The following SH3PXD2A variants were observed in gnomAD, a reference collection of about 807,000 sequenced individuals.
SH3PXD2A encodes the protein SH3 and PX domains 2A.
SH3PXD2A carries 32 observed loss-of-function variants against 115.2 expected under a neutral mutation model. The ratio of observed to expected loss-of-function variants is 0.28; its 90% confidence interval spans 0.21 to 0.37. The LOEUF (loss-of-function observed/expected upper bound fraction) is 0.37, where lower values mean the gene tolerates loss of function less well. Ranked by LOEUF, SH3PXD2A falls within the 10% of genes least tolerant of loss-of-function variation. The pLI, the probability that SH3PXD2A is intolerant of heterozygous loss-of-function variation, is 1.00. For synonymous variants in SH3PXD2A, 610 were observed against 629.1 expected, an observed-to-expected ratio of 0.97 and a Z score of 0.45; for missense variants, 1,328 against 1,498.7, an observed-to-expected ratio of 0.89 and a Z score of 1.88.
intron 10 of SH3PXD2A, among the ~76,000 whole-genome samples, chr10:103,621,423 T>C (rs1418671317): frequency 1.3e-5 from 2 of 152,228 alleles, no homozygotes; most frequent in African/African-American, 4.8e-5. Flanking sequence ...GCCAGTGCTC[T>C]GTGCCTGATG....
At chr10:103,667,781 G>T (rs1298232121) in intron 7 of SH3PXD2A, among the ~76,000 whole-genome samples, 1 of 152,154 alleles carries the variant, frequency 6.6e-6, no homozygotes, top group Non-Finnish European at 1.5e-5. Context: ...GTGTGTAACA[G>T]CCTCAAAAAT....
intron 2 of SH3PXD2A, among the ~76,000 whole-genome samples, chr10:103,794,691 T>C (rs1355573613): frequency 6.6e-6 from 1 of 152,224 alleles, no homozygotes; most frequent in Non-Finnish European, 1.5e-5. Flanking sequence ...CCTGTCCTGG[T>C]CAGCTTTCCC....
Position 103,599,640 on chromosome 10 carries a change from G to GT in SH3PXD2A, c.*2175dup, listed in dbSNP as rs1418659599. ...TTAAGTAATGCACTTTGCTCTCTGG[G>GT]TTTTTTCCATTCTACCTTATTTAAA... On this transcript the variant is annotated 3_prime_UTR_variant, in exon 15 of 15. Transcript: ENST00000369774. 5 of 152,476 alleles carry GT rather than the reference G, an allele frequency of 3.3e-5. No homozygotes were observed. The highest frequency in any genetic ancestry group is 7.3e-5 in the African/African-American group (3 of 41,366). The allele number at this position is 152,476 out of a possible 1,614,324, so 9.4% of individuals were successfully genotyped here. A position where few individuals can be genotyped will look rare whatever the true frequency, so the allele number is the denominator to read the frequency against.
intron 1 of SH3PXD2A, among the ~76,000 whole-genome samples, chr10:103,835,464 A>T (rs1190185730): frequency 6.6e-6 from 1 of 152,210 alleles, no homozygotes; most frequent in Non-Finnish European, 1.5e-5. Context: ...ACAACGATGG[A>T]TCTGCATTGC....
chr10:103,606,432 TA>T (rs533450822), intron 13 of SH3PXD2A, among the ~76,000 whole-genome samples: 77 of 8,142 alleles, frequency 9.5e-3, no homozygotes, highest in African/African-American at 0.017. Context: ...AAGAATTTGC[TA>T]AAAAAAAAAA....
rs1337448421 is a variant in SH3PXD2A at position 103,662,332 on chromosome 10, C to T, written c.473-1218G>A. Among the ~76,000 whole-genome samples the T allele has an allele frequency of 1.4e-4, 4 of 29,320 alleles. No individual in the cohort carries two copies. In the East Asian group the frequency reaches 4.1e-3, roughly 30 times the overall value. The allele number at this position is 29,320 out of a possible 152,430, so 19.2% of individuals were successfully genotyped here. ...TCTGCACTTCAACTCTTCCCATCAC[C>T]ATTATTGGCGGGGGGGGGGGCGGGG... On this transcript the variant is annotated intron_variant, in intron 7 of 14. Transcript: ENST00000369774.
At chr10:103,792,141 C>T (rs1433312460) in intron 2 of SH3PXD2A, among the ~76,000 whole-genome samples, 1 of 152,212 alleles carries the variant, frequency 6.6e-6, no homozygotes, top group African/African-American at 2.4e-5. Flanking sequence ...CCCCTGGAAC[C>T]CCTATGTGTT....
At position 103,602,882 on chromosome 10, in the gene SH3PXD2A, C is replaced by T. The variant is rs775652634; in HGVS notation, c.2336G>A (p.Arg779Gln). 24 of 1,613,858 alleles carry T rather than the reference C, an allele frequency of 1.5e-5. No homozygotes were observed. In the East Asian group the frequency reaches 3.8e-4, roughly 25 times the overall value. ...SQEKMDISTL[R>Q]RQLRPTGQLR... The stretch of plus-strand genomic sequence containing the variant: ...CTGGCCTGTGGGTCTCAGCTGGCGC[C>T]GTAAAGTGCTGATGTCCATCTTCTC... The change falls in exon 15 of 15, where the codon CGG becomes CAG. Residue 779 changes from arginine (R) to glutamine (Q), a missense_variant. Coordinates refer to ENST00000369774, the MANE Select transcript of SH3PXD2A (RefSeq NM_001394015.1).
intron 2 of SH3PXD2A, among the ~76,000 whole-genome samples, chr10:103,796,384 T>TAAA (rs768901709): frequency 2.8e-5 from 4 of 142,052 alleles, no homozygotes; most frequent in South Asian, 2.2e-4. Flanking sequence ...TAAATAAAAG[T>TAAA]AAAAAAAAAA....
intron 2 of SH3PXD2A, among the ~76,000 whole-genome samples, chr10:103,791,121 C>G (rs1372900105): frequency 2.0e-5 from 3 of 152,218 alleles, no homozygotes; most frequent in Admixed American, 6.5e-5. Context: ...AGGACTGACA[C>G]CCAGAGGACA....
intron 8 of SH3PXD2A, among the ~76,000 whole-genome samples, chr10:103,658,699 C>T (rs746872728): frequency 2.8e-4 from 42 of 152,318 alleles, no homozygotes; most frequent in Admixed American, 5.9e-4. Flanking sequence ...TCTCTACCAA[C>T]GGTAAAGATA....
At chr10:103,764,516 C>A (rs1402653283) in intron 3 of SH3PXD2A, among the ~76,000 whole-genome samples, 1 of 152,176 alleles carries the variant, frequency 6.6e-6, no homozygotes, top group African/African-American at 2.4e-5. Context: ...GCACAGGTCA[C>A]ATTTGCATGG....
chr10:103,818,248 C>T (rs2039344094), intron 1 of SH3PXD2A, among the ~76,000 whole-genome samples: 2 of 152,212 alleles, frequency 1.3e-5, no homozygotes, highest in East Asian at 3.8e-4. Context: ...CTGCCTCAGC[C>T]CTGGTGCTCC....
rs768968571 is a variant in SH3PXD2A at position 103,596,634 on chromosome 10, GAC to G, written c.*5180_*5181del. 147 of 109,372 alleles carry G rather than the reference GAC, an allele frequency of 1.3e-3. No individual in the cohort carries two copies. The highest frequency in any genetic ancestry group is 4.0e-3 in the South Asian group (11 of 2,742). The allele number at this position is 109,372 out of a possible 1,614,324, so 6.8% of individuals were successfully genotyped here. A position where few individuals can be genotyped will look rare whatever the true frequency, so the allele number is the denominator to read the frequency against. On this transcript the variant is annotated 3_prime_UTR_variant, in exon 15 of 15. Transcript: ENST00000369774. ...GAAGTTACCAACACTTGCATACACA[GAC>G]ACACACACACACACACACACACACA...
intron 1 of SH3PXD2A, among the ~76,000 whole-genome samples, chr10:103,853,030 T>A (rs918776119): frequency 2.0e-5 from 3 of 152,192 alleles, no homozygotes; most frequent in African/African-American, 7.2e-5. Flanking sequence ...TGTAACACTT[T>A]CTCCTCTCAG....
intron 1 of SH3PXD2A, among the ~76,000 whole-genome samples, chr10:103,817,886 T>C (rs1166294539): frequency 6.6e-6 from 1 of 152,122 alleles, no homozygotes; most frequent in African/African-American, 2.4e-5. Context: ...AGGGAGAAAG[T>C]AGATTTGTGG....
At chr10:103,636,278 G>A (rs1049460342) in intron 8 of SH3PXD2A, among the ~76,000 whole-genome samples, 2 of 151,998 alleles carry the variant, frequency 1.3e-5, no homozygotes, top group Non-Finnish European at 2.9e-5. Flanking sequence ...GCGTGGTGGC[G>A]GGCGCCTGTA....
At chr10:103,823,812 G>A (rs1383250726) in intron 1 of SH3PXD2A, among the ~76,000 whole-genome samples, 1 of 152,246 alleles carries the variant, frequency 6.6e-6, no homozygotes, top group Non-Finnish European at 1.5e-5. Context: ...AGGCAGGGAG[G>A]TGCCTGCAGA....
Position 103,602,219 on chromosome 10 carries a change from T to G in SH3PXD2A, c.2999A>C (p.Asn1000Thr). 6.3e-7 allele frequency: 1 copy of G among 1,594,704 alleles called. No individual in the cohort carries two copies. Among genetic ancestry groups the G allele is most frequent in the Non-Finnish European group, 8.6e-7 (1 of 1,169,148 alleles). ...GCCATCAGTGGCCGTGAGTGACTCA[T>G]TCCTCCGCAGGGCGCAGGACAGGTT... ...DNNLSCALRRNESLTATDGLR... is the reference protein window; with the variant it reads ...DNNLSCALRRTESLTATDGLR... Residue 1000 changes from asparagine to threonine, a missense_variant, in exon 15 of 15, where the codon AAT becomes ACT. This residue lies in a region of SH3PXD2A where 574 missense variants were observed against 565.7 expected (regional missense o/e 1.01). Coordinates refer to ENST00000369774, the MANE Select transcript of SH3PXD2A (RefSeq NM_001394015.1).
Sources: gnomAD v4.1 joint callset for allele counts (sites outside exome capture counted in the v4.1 genomes callset) on GRCh38, gnomAD v4.1.1 for gene constraint, gnomAD v4.1.1 regional missense constraint, MANE v1.5 for transcripts, NCBI Gene and HGNC (gene_info 2026-07-23, HGNC 2026-07-21) for gene names.